The following NXPE2 variants were observed in gnomAD, a reference collection of about 807,000 sequenced individuals.
The protein encoded by NXPE2 is neurexophilin and PC-esterase domain family member 2.
NXPE2 carries 34 observed loss-of-function variants against 34.4 expected under a neutral mutation model. The ratio of observed to expected loss-of-function variants is 0.99; its 90% CI spans 0.75 to 1.31. The LOEUF is 1.31. Among genes scored for constraint, NXPE2 ranks in the 40% most tolerant of loss-of-function variants. NXPE2 has a pLI of 0.00. For synonymous variants in NXPE2, 235 were observed against 231.3 expected, an observed-to-expected ratio of 1.02 and a Z score of -0.15; for missense variants, 649 against 672.5, an observed-to-expected ratio of 0.97 and a Z score of 0.39.
the NXPE2 span, among the ~76,000 whole-genome samples, chr11:114,546,521 C>T: frequency 1.4e-4 from 21 of 150,326 alleles, no homozygotes; most frequent in Non-Finnish European, 2.4e-4. Flanking sequence ...AGACTGGTCC[C>T]GAATTCCTGG....
chr11:114,723,287 T>C, the NXPE2 span, among the ~76,000 whole-genome samples: 7 of 150,760 alleles, frequency 4.6e-5, no homozygotes, highest in Non-Finnish European at 8.9e-5. Flanking sequence ...CACTGAAAAA[T>C]TTACAAGGAA....
chr11:114,554,030 T>C, the NXPE2 span: 1 of 985,502 alleles, frequency 1.0e-6, no homozygotes, highest in Non-Finnish European at 1.2e-6. Flanking sequence ...AAATGTCTTC[T>C]ACTTTTTCTT....
chr11:114,639,244 A>T, the NXPE2 span, among the ~76,000 whole-genome samples: 2 of 151,604 alleles, frequency 1.3e-5, no homozygotes, highest in Non-Finnish European at 2.9e-5. Context: ...AATCAGCGAG[A>T]CTCTGTGGGC....
At chr11:114,811,361 AAAAG>A in the NXPE2 span, among the ~76,000 whole-genome samples, 1 of 152,160 alleles carries the variant, frequency 6.6e-6, no homozygotes, top group South Asian at 2.1e-4. Flanking sequence ...AAAATGCAAA[AAAAG>A]AGAAAGAAAT....
At chr11:114,803,825 A>C in the NXPE2 span, among the ~76,000 whole-genome samples, 4 of 151,826 alleles carry the variant, frequency 2.6e-5, no homozygotes, top group African/African-American at 9.7e-5. Context: ...TGATCCGCCC[A>C]CCTCGGCCTC....
the NXPE2 span, among the ~76,000 whole-genome samples, chr11:114,575,382 G>A: frequency 0.32 from 49,082 of 151,830 alleles, 8,453 homozygotes; most frequent in East Asian, 0.66. Flanking sequence ...CATCCGAATT[G>A]GTAAAGAGGA....
chr11:114,623,120 C>T, the NXPE2 span, among the ~76,000 whole-genome samples: 1 of 152,096 alleles, frequency 6.6e-6, no homozygotes, highest in East Asian at 1.9e-4. Flanking sequence ...AGCACTGTTA[C>T]CCGGTGGATA....
chr11:114,735,079 T>C, the NXPE2 span, among the ~76,000 whole-genome samples: 56 of 152,044 alleles, frequency 3.7e-4, 1 homozygote, highest in Middle Eastern at 3.2e-3. Context: ...CACTGCACTC[T>C]AGCCTGGGCA....
chr11:114,657,284 GTCC>G, the NXPE2 span, among the ~76,000 whole-genome samples: 3 of 152,128 alleles, frequency 2.0e-5, no homozygotes, highest in African/African-American at 7.2e-5. Context: ...TTAGCCAGGG[GTCC>G]CCTTGGGAGA....
At chr11:114,489,343 C>G in the NXPE2 span, among the ~76,000 whole-genome samples, 1 of 152,176 alleles carries the variant, frequency 6.6e-6, no homozygotes, top group Non-Finnish European at 1.5e-5. Flanking sequence ...GGGAATCCTC[C>G]CTAACTCATT....
At chr11:114,709,670 C>A (rs79804087), downstream of NXPE2, among the ~76,000 whole-genome samples, 887 of 152,216 alleles carry the variant, frequency 5.8e-3, 7 homozygotes, top group African/African-American at 0.021. Context: ...ACTTTGGGAG[C>A]CAAGGCGGGC....
chr11:114,807,951 C>T, the NXPE2 span, among the ~76,000 whole-genome samples: 1 of 152,190 alleles, frequency 6.6e-6, no homozygotes, highest in Non-Finnish European at 1.5e-5. Context: ...AAGTAAAGCA[C>T]TCCTCAGCAA....
the NXPE2 span, among the ~76,000 whole-genome samples, chr11:114,787,436 G>T: frequency 6.6e-6 from 1 of 152,152 alleles, no homozygotes; most frequent in Non-Finnish European, 1.5e-5. Context: ...CAATGGCTGA[G>T]CTGATAATGC....
chr11:114,486,104 C>T, the NXPE2 span, among the ~76,000 whole-genome samples: 1 of 152,142 alleles, frequency 6.6e-6, no homozygotes, highest in African/African-American at 2.4e-5. Context: ...ATTTACATTC[C>T]CACCAACAGT....
chr11:114,547,378 C>T, the NXPE2 span, among the ~76,000 whole-genome samples: 2 of 152,150 alleles, frequency 1.3e-5, no homozygotes, highest in Non-Finnish European at 2.9e-5. Context: ...AATACCAGAC[C>T]ACTGTTCCTT....
chr11:114,735,691 CT>C, the NXPE2 span, among the ~76,000 whole-genome samples: 1 of 152,120 alleles, frequency 6.6e-6, no homozygotes, highest in Admixed American at 6.5e-5. Context: ...CTAGCTTAAC[CT>C]TGCAGGAAAT....
the NXPE2 span, among the ~76,000 whole-genome samples, chr11:114,635,440 AT>A: frequency 6.6e-6 from 1 of 151,434 alleles, no homozygotes; most frequent in Non-Finnish European, 1.5e-5. Flanking sequence ...TCTTTTCCTA[AT>A]TGAATACCCT....
the NXPE2 span, among the ~76,000 whole-genome samples, chr11:114,532,021 A>G: frequency 6.6e-6 from 1 of 152,214 alleles, no homozygotes; most frequent in Non-Finnish European, 1.5e-5. Flanking sequence ...CTCAAAAGCA[A>G]TCTTAGGATC....
At chr11:114,811,812 G>A in the NXPE2 span, among the ~76,000 whole-genome samples, 1 of 152,188 alleles carries the variant, frequency 6.6e-6, no homozygotes, top group Non-Finnish European at 1.5e-5. Context: ...AGTATGGGTT[G>A]CATCCTTAGC....
Sources: allele counts gnomAD v4.1 joint callset (sites outside exome capture counted in the v4.1 genomes callset), GRCh38; gene constraint gnomAD v4.1.1; transcripts MANE v1.5; gene names NCBI Gene and HGNC (gene_info 2026-07-23, HGNC 2026-07-21).